The following TENM2 variants were observed in gnomAD, a reference collection of about 807,000 sequenced individuals.
TENM2 encodes teneurin-2.
TENM2 carries 52 observed loss-of-function variants against 245.2 expected under a neutral mutation model. The observed-to-expected ratio is 0.21, with a 90% CI of 0.17 to 0.27. TENM2 has a LOEUF of 0.27. Ranked by LOEUF, TENM2 falls within the 10% of genes least tolerant of loss-of-function variation. The probability of loss-of-function intolerance (pLI) is 1.00; values close to 1 mark genes in which losing one functional copy is unlikely to be tolerated. For synonymous variants in TENM2, 1,363 were observed against 1,438.9 expected, an observed-to-expected ratio of 0.95 and a Z score of 1.19; for missense variants, 3,046 against 3,666.8, an observed-to-expected ratio of 0.83 and a Z score of 4.37.
intron 3 of TENM2, among the ~76,000 whole-genome samples, chr5:167,946,977 C>T (rs548416998): frequency 2.0e-5 from 3 of 152,060 alleles, no homozygotes; most frequent in Non-Finnish European, 2.9e-5. Context: ...TTCTGAATCC[C>T]GTTTTATTTT....
chr5:167,864,010 C>A (rs968228007), intron 2 of TENM2, among the ~76,000 whole-genome samples: 10 of 152,216 alleles, frequency 6.6e-5, no homozygotes, highest in Admixed American at 1.3e-4. Context: ...TGAGGGGGAG[C>A]TTTTCATGCT....
chr5:167,472,245 G>C (rs965922421), intron 2 of TENM2, among the ~76,000 whole-genome samples: 3 of 152,050 alleles, frequency 2.0e-5, no homozygotes, highest in African/African-American at 7.2e-5. Context: ...AACCTTAAAG[G>C]AAACATCTTA....
chr5:167,573,581 C>T (rs1774430051), intron 2 of TENM2, among the ~76,000 whole-genome samples: 1 of 151,730 alleles, frequency 6.6e-6, no homozygotes, highest in South Asian at 2.1e-4. Context: ...TTCCCTCGCT[C>T]ATTGTTCTCT....
intron 2 of TENM2, among the ~76,000 whole-genome samples, chr5:167,719,870 C>A (rs545285276): frequency 2.6e-5 from 4 of 152,174 alleles, no homozygotes; most frequent in Admixed American, 2.6e-4. Context: ...CCACCCCCAA[C>A]AAATAATTAC....
intron 2 of TENM2, among the ~76,000 whole-genome samples, chr5:167,710,141 C>G (rs762388674): frequency 2.0e-4 from 31 of 152,236 alleles, no homozygotes; most frequent in Non-Finnish European, 4.1e-4. Context: ...GTAACAATCA[C>G]TCTTTGAGAA....
chr5:168,256,723 C>T (rs1279435445), intron 27 of TENM2, among the ~76,000 whole-genome samples: 1 of 152,220 alleles, frequency 6.6e-6, no homozygotes, highest in African/African-American at 2.4e-5. Context: ...CCTCGCCCGG[C>T]CTCAAACCTG....
chr5:167,807,507 G>C (rs1363517521), intron 2 of TENM2, among the ~76,000 whole-genome samples: 4 of 152,090 alleles, frequency 2.6e-5, no homozygotes, highest in African/African-American at 9.7e-5. Context: ...GTTAACTCAT[G>C]GGAAGGCTAT....
At chr5:167,123,725 C>A in the TENM2 span, among the ~76,000 whole-genome samples, 1 of 152,120 alleles carries the variant, frequency 6.6e-6, no homozygotes, top group African/African-American at 2.4e-5. Context: ...TTTTTTCCTC[C>A]TCAAAAGTAG....
intron 25 of TENM2, among the ~76,000 whole-genome samples, chr5:168,240,186 C>A (rs1159068511): frequency 2.0e-5 from 3 of 152,362 alleles, no homozygotes; most frequent in Non-Finnish European, 4.4e-5. Context: ...TGCCACTGCA[C>A]TCCAGCCTGG....
chr5:168,168,122 C>T (rs543956383), intron 13 of TENM2, among the ~76,000 whole-genome samples: 1 of 152,082 alleles, frequency 6.6e-6, no homozygotes, highest in East Asian at 1.9e-4. Context: ...TAAGCCCCCA[C>T]CTTTGAGGTT....
At chr5:167,725,602 T>C (rs1759944776) in intron 2 of TENM2, among the ~76,000 whole-genome samples, 1 of 152,312 alleles carries the variant, frequency 6.6e-6, no homozygotes, top group East Asian at 1.9e-4. Flanking sequence ...TCCCTCCCTG[T>C]TTCTGCAACA....
At chr5:167,382,130 A>C (rs1221980320) in intron 2 of TENM2, among the ~76,000 whole-genome samples, 10 of 152,170 alleles carry the variant, frequency 6.6e-5, no homozygotes, top group Admixed American at 6.6e-4. Context: ...TAGGTGGACT[A>C]TTTGGAAATA....
intron 2 of TENM2, among the ~76,000 whole-genome samples, chr5:167,780,872 A>G (rs1419763144): frequency 6.6e-6 from 1 of 152,228 alleles, no homozygotes; most frequent in Non-Finnish European, 1.5e-5. Flanking sequence ...AGACCCAACT[A>G]CACTTACATA....
intron 2 of TENM2, among the ~76,000 whole-genome samples, chr5:167,473,430 A>G (rs1281890169): frequency 6.6e-6 from 1 of 152,240 alleles, no homozygotes; most frequent in Non-Finnish European, 1.5e-5. Flanking sequence ...CTTGAGCTAA[A>G]TAGCACATTT....
intron 1 of TENM2, among the ~76,000 whole-genome samples, chr5:167,352,949 G>A (rs1759020042): frequency 6.6e-6 from 1 of 152,162 alleles, no homozygotes; most frequent in African/African-American, 2.4e-5. Context: ...CCCTGGACAG[G>A]ATCTATGACT....
At chr5:167,407,305 A>G (rs545319524) in intron 2 of TENM2, among the ~76,000 whole-genome samples, 1 of 152,274 alleles carries the variant, frequency 6.6e-6, no homozygotes, top group African/African-American at 2.4e-5. Flanking sequence ...ACCTGTATCT[A>G]TGTTCTGCAA....
chr5:167,988,440 A>T lies in TENM2; in HGVS notation c.948-4504A>T, dbSNP rs76483788. Among the ~76,000 whole-genome samples the T allele has an allele frequency of 2.4e-3, 371 of 152,316 alleles. 1 individual carries two copies. The highest frequency in any genetic ancestry group is 8.6e-3 in the African/African-American group (356 of 41,572). Reference sequence around the variant, plus strand: ...ATATGCAAATATACATATGCATTTAATGAAGAAAAATAGGCAGTTATGACA... The same window carrying T: ...ATATGCAAATATACATATGCATTTATTGAAGAAAAATAGGCAGTTATGACA... On this transcript the variant is annotated intron_variant, in intron 4 of 28. Transcript: ENST00000518659.
At chr5:167,737,050 G>A (rs970706552) in intron 2 of TENM2, among the ~76,000 whole-genome samples, 3 of 152,200 alleles carry the variant, frequency 2.0e-5, no homozygotes, top group African/African-American at 7.2e-5. Flanking sequence ...TCACACCTGG[G>A]ATTGGGATTC....
chr5:167,503,964 G>A (rs1188219063), intron 2 of TENM2, among the ~76,000 whole-genome samples: 1 of 152,146 alleles, frequency 6.6e-6, no homozygotes, highest in Non-Finnish European at 1.5e-5. Context: ...CTTTCCATTA[G>A]AGTTGGGAAC....
Sources: allele counts gnomAD v4.1 joint callset (sites outside exome capture counted in the v4.1 genomes callset), GRCh38; gene constraint gnomAD v4.1.1; transcripts MANE v1.5; gene names NCBI Gene and HGNC (gene_info 2026-07-23, HGNC 2026-07-21).